Variants in DARS1 observed in about 807,000 individuals in gnomAD.
DARS1 encodes aspartyl-tRNA synthetase 1.
Under a neutral mutation model 68.8 loss-of-function variants are expected in DARS1, and 51 were observed. The ratio of observed to expected loss-of-function variants is 0.74; its 90% confidence interval spans 0.59 to 0.94. The LOEUF (loss-of-function observed/expected upper bound fraction) is 0.94, where lower values mean the gene tolerates loss of function less well. Ranked by LOEUF, DARS1 falls within the 40% of genes least tolerant of loss-of-function variation. The pLI, the probability that DARS1 is intolerant of heterozygous loss-of-function variation, is 0.00. For synonymous variants in DARS1, 203 were observed against 190.4 expected, an observed-to-expected ratio of 1.07 and a Z score of -0.55; for missense variants, 607 against 597.3, an observed-to-expected ratio of 1.02 and a Z score of -0.17.
rs1269278203 is a variant in DARS1, at chr2:135,985,307, C to CAAGG, written c.66+92_66+95dup. ...CCGCAGCCTGCGGAGAACGTGCCGA[C>CAAGG]AAGGACCTGTAGGGCCCCACTCCCC... is the stretch of plus-strand genomic sequence containing the variant. On this transcript the variant is annotated intron_variant, in intron 1 of 15. Coordinates refer to ENST00000264161, the MANE Select transcript of DARS1 (RefSeq NM_001349.4). The CAAGG allele has an allele frequency of 3.4e-6, 5 of 1,488,254 alleles. No homozygotes were observed. The East Asian group carries it at 1.2e-4, about 35-fold the overall frequency. 92.2% of individuals were successfully genotyped at this position (1,488,254 alleles called of 1,614,324 possible). A position where few individuals can be genotyped will look rare whatever the true frequency, so the allele number is the denominator to read the frequency against.
chr2:135,985,376 C>G, intron 1 of DARS1, 27 bp downstream of exon 1: 1 of 1,611,678 alleles, frequency 6.2e-7, no homozygotes, highest in Non-Finnish European at 8.5e-7. Flanking sequence ...GTCTGTCCTC[C>G]CAGGCCCAGG....
chr2:135,947,193 G>C (rs535777369), intron 4 of DARS1, among the ~76,000 whole-genome samples: 3 of 152,094 alleles, frequency 2.0e-5, no homozygotes, highest in Non-Finnish European at 4.4e-5. Flanking sequence ...ATGACCTGAG[G>C]TCAGGAGTTT....
Position 135,985,425 on chromosome 2 carries a change from C to G in DARS1, c.44G>C (p.Arg15Pro), listed in dbSNP as rs2104855306. 6.2e-7 allele frequency: 1 copy of G among 1,613,992 alleles called. No individual in the cohort carries two copies. The highest frequency in any genetic ancestry group is 2.2e-5 in the East Asian group (1 of 44,876). Residue 15 changes from arginine to proline, a missense_variant, in exon 1 of 16, where the codon CGG (arginine) becomes CCG (proline). By Grantham distance (103) the Arg-to-Pro change is moderately radical. Coordinates refer to ENST00000264161, the MANE Select transcript of DARS1 (RefSeq NM_001349.4). Reference protein sequence around the residue: ...SASRKSQEKPREIMDAAEDYA... With the variant: ...SASRKSQEKPPEIMDAAEDYA... Reference sequence around the variant, plus strand: ...CACTTCCGCCGCGTCCATGATCTCCCGCGGCTTCTCCTGACTCTTGCGGCT... The same window carrying G: ...CACTTCCGCCGCGTCCATGATCTCCGGCGGCTTCTCCTGACTCTTGCGGCT...
intron 3 of DARS1, among the ~76,000 whole-genome samples, chr2:135,971,488 T>C (rs1682369111): frequency 1.3e-5 from 2 of 152,128 alleles, no homozygotes; most frequent in South Asian, 2.1e-4. Context: ...AGTATTGTAC[T>C]GAATGAGGAA....
At chr2:135,914,626 G>A (rs1680969040) in intron 11 of DARS1, 115 bp from the exon 12 acceptor site, 1 of 772,034 alleles carries the variant, frequency 1.3e-6, no homozygotes, top group South Asian at 1.4e-5. Flanking sequence ...GCCAGAACAC[G>A]CAGTTGTCTA....
chr2:135,937,586 C>T lies in DARS1; in HGVS notation c.424-3596G>A, dbSNP rs368669467. 4.5e-4 allele frequency among the ~76,000 whole-genome samples: 69 copies of T among 152,248 alleles called. No homozygotes were observed. The East Asian group carries it at 9.8e-3, about 22-fold the overall frequency. ...AGTTGATGCAGTTTCTTCCTAGCATCGACGGTCTTTACAATTTGGCATGTT... is the reference window on the plus strand; with the variant it reads ...AGTTGATGCAGTTTCTTCCTAGCATTGACGGTCTTTACAATTTGGCATGTT... On this transcript the variant is annotated intron_variant, in intron 5 of 15. Transcript: ENST00000264161.
intron 3 of DARS1, among the ~76,000 whole-genome samples, chr2:135,964,395 G>C (rs140107658): frequency 6.6e-6 from 1 of 152,096 alleles, no homozygotes; most frequent in African/African-American, 2.4e-5. Flanking sequence ...ACAGAAGAAA[G>C]GTAAGGGCTG....
chr2:135,936,870 C>T (rs1029479638), intron 5 of DARS1, among the ~76,000 whole-genome samples: 1 of 152,186 alleles, frequency 6.6e-6, no homozygotes, highest in African/African-American at 2.4e-5. Flanking sequence ...ATAGGCCTAT[C>T]TCTGAATCTG....
intron 5 of DARS1, among the ~76,000 whole-genome samples, chr2:135,939,096 T>A (rs1409090429): frequency 6.6e-6 from 1 of 152,144 alleles, no homozygotes; most frequent in Non-Finnish European, 1.5e-5. Flanking sequence ...ATTAGGCAGA[T>A]CAATGAGACA....
chr2:135,925,458 T>C lies in DARS1; in HGVS notation c.565-960A>G, dbSNP rs544973381. 3.9e-5 allele frequency among the ~76,000 whole-genome samples: 6 copies of C among 152,306 alleles called. No individual in the cohort carries two copies. The East Asian group carries it at 9.6e-4, about 24-fold the overall frequency. On this transcript the variant is annotated intron_variant, in intron 7 of 15. Transcript: ENST00000264161. ...TATCAAAGGGCTCACCCCTTCTGCATTTACACAGTAGTACCCTGTGAAAAC... is the reference window on the plus strand; with the variant it reads ...TATCAAAGGGCTCACCCCTTCTGCACTTACACAGTAGTACCCTGTGAAAAC...
intron 5 of DARS1, among the ~76,000 whole-genome samples, chr2:135,937,152 G>A (rs1046798633): frequency 7.9e-5 from 12 of 152,006 alleles, no homozygotes; most frequent in Admixed American, 3.3e-4. Flanking sequence ...GCAGTGGTGC[G>A]ATCTTGGCTC....
chr2:135,918,804 T>C (rs1188002891), intron 10 of DARS1, among the ~76,000 whole-genome samples: 1 of 152,234 alleles, frequency 6.6e-6, no homozygotes, highest in Non-Finnish European at 1.5e-5. Context: ...GCTCCTTCAT[T>C]GTAGTTCTAA....
intron 7 of DARS1, among the ~76,000 whole-genome samples, chr2:135,930,125 T>C (rs1434117368): frequency 6.6e-6 from 1 of 152,220 alleles, no homozygotes; most frequent in Non-Finnish European, 1.5e-5. Context: ...CACACCATAA[T>C]AGCAGATACT....
At chr2:135,958,930 T>C (rs567639674) in intron 4 of DARS1, among the ~76,000 whole-genome samples, 13 of 151,856 alleles carry the variant, frequency 8.6e-5, no homozygotes, top group Admixed American at 2.6e-4. Flanking sequence ...TTATATAAAG[T>C]CCATTTTTTA....
chr2:135,944,019 G>T (rs1376611665), intron 4 of DARS1, among the ~76,000 whole-genome samples: 1 of 152,094 alleles, frequency 6.6e-6, no homozygotes, highest in African/African-American at 2.4e-5. Context: ...ATGATTATTG[G>T]ATTGTGTACT....
At chr2:135,941,981 G>A (rs961186109) in intron 5 of DARS1, among the ~76,000 whole-genome samples, 42 of 152,202 alleles carry the variant, frequency 2.8e-4, no homozygotes, top group Admixed American at 2.0e-3. Context: ...TTAGAATGGC[G>A]ATCATTAAAA....
chr2:135,977,281 T>C (rs1682521922), intron 3 of DARS1, among the ~76,000 whole-genome samples: 1 of 152,224 alleles, frequency 6.6e-6, no homozygotes, highest in Non-Finnish European at 1.5e-5. Context: ...GGTTATGCAA[T>C]TTGCGTAGAG....
intron 3 of DARS1, among the ~76,000 whole-genome samples, chr2:135,965,140 C>T (rs10171310): frequency 3.3e-5 from 5 of 151,848 alleles, no homozygotes; most frequent in East Asian, 3.9e-4. Context: ...CAGGACATTA[C>T]GAAATTTAAA....
At chr2:135,925,054 C>T (rs1575387417) in intron 7 of DARS1, among the ~76,000 whole-genome samples, 1 of 152,212 alleles carries the variant, frequency 6.6e-6, no homozygotes, top group East Asian at 1.9e-4. Flanking sequence ...CAATGTGGTA[C>T]ATAAAACAAT....
Sources: allele counts gnomAD v4.1 joint callset (sites outside exome capture counted in the v4.1 genomes callset), GRCh38; gene constraint gnomAD v4.1.1; transcripts MANE v1.5; gene names NCBI Gene and HGNC (gene_info 2026-07-23, HGNC 2026-07-21).